The following HERC4 variants were observed in gnomAD, a reference collection of about 807,000 sequenced individuals.
The protein encoded by HERC4 is probable E3 ubiquitin-protein ligase HERC4.
A neutral mutation model predicts 124.3 loss-of-function variants in HERC4; 28 were observed. That is an observed-to-expected ratio of 0.23 (90% CI 0.17 to 0.31). HERC4 has a LOEUF of 0.31. Ranked by LOEUF, HERC4 falls within the 10% of genes least tolerant of loss-of-function variation. The probability of loss-of-function intolerance (pLI) is 1.00; values close to 1 mark genes in which losing one functional copy is unlikely to be tolerated. For missense variants in HERC4, 713 were observed against 1,229.3 expected, an observed-to-expected ratio of 0.58 and a Z score of 6.28; for synonymous variants, 407 against 421.5, an observed-to-expected ratio of 0.97 and a Z score of 0.42.
At chr10:67,956,826 G>T in intron 17 of HERC4, 52 bp downstream of exon 17, 1 of 1,190,738 alleles carries the variant, frequency 8.4e-7, no homozygotes, top group Non-Finnish European at 1.2e-6. Context: ...TTACTGTCCA[G>T]AAACATCAAA....
At chr10:68,069,315 A>G in intron 3 of HERC4, 1 of 974,876 alleles carries the variant, frequency 1.0e-6, no homozygotes, top group Non-Finnish European at 1.2e-6. Context: ...CTTAAAAAGT[A>G]TTTTAAAGTT....
chr10:67,925,703 G>C (rs571895793), intron 23 of HERC4, among the ~76,000 whole-genome samples: 1 of 151,958 alleles, frequency 6.6e-6, no homozygotes, highest in South Asian at 2.1e-4. Flanking sequence ...TGACTTCTGA[G>C]ACTAAATCAT....
chr10:67,954,927 A>G, intron 18 of HERC4, 36 bp downstream of exon 18: 4 of 1,542,602 alleles, frequency 2.6e-6, no homozygotes, highest in Non-Finnish European at 3.5e-6. Context: ...CTTCTGAATA[A>G]AAGTCCCAAT....
intron 15 of HERC4, among the ~76,000 whole-genome samples, chr10:67,983,746 C>T (rs1023325228): frequency 4.2e-5 from 6 of 144,296 alleles, no homozygotes; most frequent in Non-Finnish European, 7.5e-5. Flanking sequence ...AAGATCGCAC[C>T]ACTGCACTCC....
At chr10:68,057,609 G>A (rs921403615) in intron 3 of HERC4, among the ~76,000 whole-genome samples, 2 of 149,696 alleles carry the variant, frequency 1.3e-5, no homozygotes, top group Non-Finnish European at 3.0e-5. Flanking sequence ...GGGTGACAGG[G>A]TGAGACTCTG....
intron 13 of HERC4, 39 bp from the exon 14 acceptor site, chr10:67,990,439 A>T: frequency 8.6e-7 from 1 of 1,161,214 alleles, no homozygotes; most frequent in Non-Finnish European, 1.2e-6. Flanking sequence ...TTCATTTAAA[A>T]TGAATACACT....
chr10:68,046,494 CAG>C (rs2040016381), intron 3 of HERC4, among the ~76,000 whole-genome samples: 2 of 152,274 alleles, frequency 1.3e-5, no homozygotes, highest in South Asian at 2.1e-4. Context: ...TTATATTAAA[CAG>C]TTGTATTGTA....
At chr10:68,049,918 C>CA (rs2040212476) in intron 3 of HERC4, among the ~76,000 whole-genome samples, 1 of 151,736 alleles carries the variant, frequency 6.6e-6, no homozygotes. Context: ...AAACAAAAAA[C>CA]AAACAAGGCC....
At chr10:67,972,124 G>A (rs2035271622) in intron 15 of HERC4, among the ~76,000 whole-genome samples, 1 of 148,628 alleles carries the variant, frequency 6.7e-6, no homozygotes, top group African/African-American at 2.5e-5. Context: ...TGAGGCAGGA[G>A]AATCATTTGA....
Position 67,928,431 on chromosome 10 carries a change from T to C in HERC4, c.2839-3244A>G, listed in dbSNP as rs552981394. On this transcript the variant is annotated intron_variant, in intron 23 of 24. Transcript: ENST00000373700. Reference sequence around the variant, plus strand: ...GCTACCAGCTGTGTAGCATCCTCAGTGTTACCTTGTTTCCCAAATTGTAAA... The same window carrying C: ...GCTACCAGCTGTGTAGCATCCTCAGCGTTACCTTGTTTCCCAAATTGTAAA... Among the ~76,000 whole-genome samples the C allele has an allele frequency of 2.0e-5, 3 of 152,302 alleles. No individual in the cohort carries two copies. In the East Asian group the frequency reaches 5.8e-4, roughly 29 times the overall value.
At chr10:67,923,203 T>C (rs970779088) in intron 24 of HERC4, 64 bp from the exon 25 acceptor site, 3 of 1,212,980 alleles carry the variant, frequency 2.5e-6, no homozygotes, top group African/African-American at 3.0e-5. Context: ...GCAAGTAATA[T>C]TTGGTACAGT....
intron 3 of HERC4, chr10:68,070,105 A>G (rs1203586146): frequency 1.2e-4 from 123 of 985,040 alleles, no homozygotes; most frequent in Non-Finnish European, 1.4e-4. Context: ...TGTTTATTAC[A>G]TTGTCCCAGA....
chr10:68,051,918 C>A (rs1463998470), intron 3 of HERC4, among the ~76,000 whole-genome samples: 1 of 151,970 alleles, frequency 6.6e-6, no homozygotes, highest in Non-Finnish European at 1.5e-5. Flanking sequence ...ACACGCCCGC[C>A]TCAGCCTCCC....
intron 16 of HERC4, among the ~76,000 whole-genome samples, chr10:67,958,304 G>A (rs2034276588): frequency 6.6e-6 from 1 of 152,254 alleles, no homozygotes; most frequent in East Asian, 1.9e-4. Flanking sequence ...GCACTGCCTA[G>A]CTAATGATCA....
chr10:67,948,971 T>G (rs1347590207), intron 19 of HERC4, among the ~76,000 whole-genome samples: 4 of 142,182 alleles, frequency 2.8e-5, no homozygotes, highest in Non-Finnish European at 6.2e-5. Context: ...AATTAAAAGT[T>G]GGCCAGGCGC....
intron 24 of HERC4, among the ~76,000 whole-genome samples, chr10:67,924,493 T>C (rs1300599917): frequency 1.3e-5 from 2 of 152,316 alleles, no homozygotes; most frequent in Non-Finnish European, 2.9e-5. Context: ...AACTGTAACA[T>C]AACAGTAGGT....
chr10:67,925,174 T>C lies in HERC4; in HGVS notation c.2852A>G (p.Lys951Arg). ...AGGATGTTCTGCCCAATATTCCCCT[T>C]TGTATTCTGTATTCTAAAAACAACA... ...WKELEKNTEY[K>R]GEYWAEHPTI... The change falls in exon 24 of 25, where the codon AAA becomes AGA. Residue 951 changes from lysine (K) to arginine (R), a missense_variant. By Grantham distance (26) the Lys-to-Arg change is conservative (BLOSUM62 2). Transcript: ENST00000373700. 6.3e-7 allele frequency: 1 copy of C among 1,578,430 alleles called. No individual in the cohort carries two copies. The highest frequency in any genetic ancestry group is 8.7e-7 in the Non-Finnish European group (1 of 1,148,094).
intron 16 of HERC4, chr10:67,960,983 C>A (rs16925001): frequency 2.8e-6 from 1 of 356,492 alleles, no homozygotes; most frequent in Non-Finnish European, 5.3e-6. Flanking sequence ...CACTTTCTTG[C>A]GGATTTGGCG....
rs781121549 is a variant in HERC4 at position 67,996,988 on chromosome 10, G to GA, written c.1070-4307dup. Among the ~76,000 whole-genome samples the GA allele has an allele frequency of 6.3e-5, 9 of 143,444 alleles. No homozygotes were observed. In the East Asian group the frequency reaches 8.2e-4, roughly 13 times the overall value. 94.1% of individuals were successfully genotyped at this position (143,444 alleles called of 152,430 possible). A position where few individuals can be genotyped will look rare whatever the true frequency, so the allele number is the denominator to read the frequency against. ...GGGTGACAGAGCAAGACTCCGTCTC[G>GA]AAAAAAAAAAGAAAAAAAAAGAAAA... On this transcript the variant is annotated intron_variant, in intron 9 of 24. Transcript: ENST00000373700.
Sources: gnomAD v4.1 joint callset for allele counts (sites outside exome capture counted in the v4.1 genomes callset) on GRCh38, gnomAD v4.1.1 for gene constraint, MANE v1.5 for transcripts, NCBI Gene and HGNC (gene_info 2026-07-23, HGNC 2026-07-21) for gene names.